Variants in TMCC3 observed in about 807,000 individuals in gnomAD.
TMCC3 encodes transmembrane and coiled-coil domain protein 3.
A neutral mutation model predicts 40.2 loss-of-function variants in TMCC3; 28 were observed. The observed-to-expected ratio is 0.70, with a 90% CI of 0.52 to 0.95. TMCC3 has a LOEUF of 0.95. Among genes scored for constraint, TMCC3 ranks in the 40% least tolerant of loss-of-function variants. The probability of loss-of-function intolerance (pLI) is 0.00; values close to 1 mark genes in which losing one functional copy is unlikely to be tolerated. For synonymous variants in TMCC3, 255 were observed against 248.5 expected (o/e 1.03, Z -0.25); for missense variants, 554 against 615.2 (o/e 0.90, Z 1.05).
intron 1 of TMCC3, among the ~76,000 whole-genome samples, chr12:94,609,538 C>A (rs1049023444): frequency 1.3e-5 from 2 of 152,176 alleles, no homozygotes; most frequent in Non-Finnish European, 2.9e-5. Context: ...CCCAGAGCCT[C>A]ATATTAACAG....
chr12:94,571,617 T>C lies in TMCC3; in HGVS notation c.1252A>G (p.Ile418Val), dbSNP rs2068528880. ...AAGATGACAGTCATGAAGGCCAGGA[T>C]CACGTTGATGCACCTCCCCAGGAGA... is the stretch of plus-strand genomic sequence containing the variant. ...KVLLGRCINVILAFMTVILVC... is the reference protein window; with the variant it reads ...KVLLGRCINVVLAFMTVILVC... The change falls in exon 4 of 4, where the codon ATC becomes GTC. Residue 418 changes from isoleucine to valine, a missense_variant. Transcript: ENST00000261226. 1 of 1,614,196 alleles carries C rather than the reference T, an allele frequency of 6.2e-7. No homozygotes were observed. The highest frequency in any genetic ancestry group is 8.5e-7 in the Non-Finnish European group (1 of 1,180,050).
chr12:94,579,104 T>C (rs2068585231), intron 2 of TMCC3, among the ~76,000 whole-genome samples: 1 of 152,238 alleles, frequency 6.6e-6, no homozygotes, highest in Non-Finnish European at 1.5e-5. Flanking sequence ...TTACAAATTA[T>C]AGATGGTTCA....
intron 1 of TMCC3, among the ~76,000 whole-genome samples, chr12:94,640,998 G>C (rs960826854): frequency 2.6e-5 from 4 of 152,162 alleles, no homozygotes; most frequent in African/African-American, 9.7e-5. Flanking sequence ...TCAGGAGTTT[G>C]AGACCAGCCT....
At chr12:94,623,410 G>C (rs1302458118) in intron 1 of TMCC3, among the ~76,000 whole-genome samples, 1 of 152,218 alleles carries the variant, frequency 6.6e-6, no homozygotes, top group Non-Finnish European at 1.5e-5. Flanking sequence ...GAAAGCTTAA[G>C]TACTTAAGCA....
intron 1 of TMCC3, among the ~76,000 whole-genome samples, chr12:94,601,407 C>T (rs2068751408): frequency 1.3e-5 from 2 of 152,072 alleles, no homozygotes; most frequent in African/African-American, 4.8e-5. Flanking sequence ...CCCAGCTACT[C>T]AGGGGATTGC....
intron 1 of TMCC3, chr12:94,598,772 T>C (rs1341156932): frequency 3.0e-6 from 3 of 985,208 alleles, no homozygotes; most frequent in African/African-American, 3.5e-5. Context: ...AGTCCTCCTC[T>C]AAGATCATAC....
At chr12:94,619,285 T>G (rs1259526112) in intron 1 of TMCC3, among the ~76,000 whole-genome samples, 1 of 152,150 alleles carries the variant, frequency 6.6e-6, no homozygotes. Flanking sequence ...TAGAGCAGGA[T>G]TTTCTCACTA....
chr12:94,590,078 G>C lies in TMCC3; in HGVS notation c.79-7540C>G, dbSNP rs552699299. Among the ~76,000 whole-genome samples the C allele has an allele frequency of 7.9e-3, 1,195 of 151,452 alleles. 7 individuals carry two copies. The highest frequency in any genetic ancestry group is 0.012 in the Non-Finnish European group (785 of 67,940). On this transcript the variant is annotated intron_variant, in intron 1 of 3. Coordinates refer to ENST00000261226, the MANE Select transcript of TMCC3 (RefSeq NM_020698.4). ...CACAGCTCTGGAGCCACATCAGTCA[G>C]GTCTGATATAGTCTATAAAATCTAT...
At chr12:94,581,097 T>C (rs1394559683) in intron 2 of TMCC3, among the ~76,000 whole-genome samples, 1 of 152,224 alleles carries the variant, frequency 6.6e-6, no homozygotes, top group African/African-American at 2.4e-5. Flanking sequence ...TTTGATTTTT[T>C]TCAGATTTTG....
rs753900771 is a variant in TMCC3 at position 94,582,965 on chromosome 12, C to CTT, written c.79-429_79-428dup. Among the ~76,000 whole-genome samples the CTT allele has an allele frequency of 6.0e-3, 359 of 59,890 alleles. 1 individual carries two copies. Among genetic ancestry groups the CTT allele is most frequent in the Middle Eastern group, 9.4e-3 (1 of 106 alleles). 39.3% of individuals were successfully genotyped at this position (59,890 alleles called of 152,430 possible). A position where few individuals can be genotyped will look rare whatever the true frequency, so the allele number is the denominator to read the frequency against. On this transcript the variant is annotated intron_variant, in intron 1 of 3. Transcript: ENST00000261226. ...CTCACTCACTTAATAGAAGGAGAATCTTTTTTTTTTTTTTTTTTTTTTTTT... is the reference window on the plus strand; with the variant it reads ...CTCACTCACTTAATAGAAGGAGAATCTTTTTTTTTTTTTTTTTTTTTTTTTTT...
intron 1 of TMCC3, 90 bp from the exon 2 acceptor site, chr12:94,582,628 T>C (rs2068612063): frequency 4.9e-6 from 6 of 1,221,924 alleles, no homozygotes; most frequent in African/African-American, 1.5e-5. Context: ...GATACATACA[T>C]GAAGTCCCAG....
chr12:94,604,593 C>T (rs916054205), intron 1 of TMCC3, among the ~76,000 whole-genome samples: 1 of 149,024 alleles, frequency 6.7e-6, no homozygotes, highest in South Asian at 2.1e-4. Context: ...TTACTTGAAC[C>T]CAGCAGTTTG....
At chr12:94,642,289 CT>C (rs1452777082) in intron 1 of TMCC3, among the ~76,000 whole-genome samples, 1 of 152,196 alleles carries the variant, frequency 6.6e-6, no homozygotes, top group African/African-American at 2.4e-5. Flanking sequence ...TCATTTTCTG[CT>C]TCTGCAAATG....
chr12:94,603,842 T>C (rs1311072499), intron 1 of TMCC3, among the ~76,000 whole-genome samples: 1 of 152,194 alleles, frequency 6.6e-6, no homozygotes, highest in African/African-American at 2.4e-5. Flanking sequence ...AAAACTATTA[T>C]CTTTATAGTA....
intron 1 of TMCC3, chr12:94,615,850 T>C: frequency 1.1e-6 from 1 of 873,074 alleles, no homozygotes; most frequent in Non-Finnish European, 1.4e-6. Flanking sequence ...TCCCAGGATA[T>C]TAAAGACCAC....
intron 3 of TMCC3, 44 bp downstream of exon 3, chr12:94,578,350 C>T (rs770387559): frequency 1.2e-5 from 19 of 1,587,422 alleles, no homozygotes; most frequent in East Asian, 4.5e-5. Context: ...AATTAAGGCT[C>T]GGGAAGAGCC....
At chr12:94,585,186 AT>A (rs2068630813) in intron 1 of TMCC3, among the ~76,000 whole-genome samples, 1 of 152,116 alleles carries the variant, frequency 6.6e-6, no homozygotes, top group African/African-American at 2.4e-5. Context: ...CTGGCACATC[AT>A]TTCATTTAGC....
chr12:94,604,517 G>GT (rs763603788), intron 1 of TMCC3, among the ~76,000 whole-genome samples: 81 of 151,792 alleles, frequency 5.3e-4, no homozygotes, highest in Non-Finnish European at 1.0e-3. Flanking sequence ...ATTAAAAAAT[G>GT]TAACAAGGCC....
chr12:94,581,886 G>A lies in TMCC3; in HGVS notation c.731C>T (p.Thr244Ile). ...GCCATACTTGGGTTTGTTCACGATG[G>A]TAGCGCTGCCCCCGTAGGCCCTGGC... ...ASARAYGGSA[T>I]IVNKPKYGSD... The change falls in exon 2 of 4, where the codon ACC (threonine) becomes ATC (isoleucine). Residue 244 changes from threonine to isoleucine, a missense_variant. By Grantham distance (89) the Thr-to-Ile change is moderately conservative (BLOSUM62 -1). Coordinates refer to ENST00000261226, the MANE Select transcript of TMCC3 (RefSeq NM_020698.4). 2 of 1,614,222 alleles carry A rather than the reference G, an allele frequency of 1.2e-6. No homozygotes were observed. The highest frequency in any genetic ancestry group is 1.7e-5 in the Admixed American group (1 of 60,028).
Sources: allele counts gnomAD v4.1 joint callset (sites outside exome capture counted in the v4.1 genomes callset), GRCh38; gene constraint gnomAD v4.1.1; transcripts MANE v1.5; gene names NCBI Gene and HGNC (gene_info 2026-07-23, HGNC 2026-07-21).